The following GALK2 variants were observed in gnomAD, a reference collection of about 807,000 sequenced individuals.
GALK2 encodes galactokinase 2, also known as N-acetylgalactosamine kinase.
Under a neutral mutation model 52.4 loss-of-function variants are expected in GALK2, and 36 were observed. The ratio of observed to expected loss-of-function variants is 0.69; its 90% CI spans 0.53 to 0.91. GALK2 has a LOEUF of 0.91. GALK2 is among the 40% of genes least tolerant of loss of function. The pLI, the probability that GALK2 is intolerant of heterozygous loss-of-function variation, is 0.00. For missense variants in GALK2, 579 were observed against 559.1 expected, an observed-to-expected ratio of 1.04 and a Z score of -0.36; for synonymous variants, 176 against 199.1, an observed-to-expected ratio of 0.88 and a Z score of 0.98.
At chr15:49,302,894 G>GACTGTTGT (rs1472687211) in intron 8 of GALK2, among the ~76,000 whole-genome samples, 20 of 152,196 alleles carry the variant, frequency 1.3e-4, no homozygotes, top group Admixed American at 6.5e-4. Flanking sequence ...GTTTTTATGA[G>GACTGTTGT]AAAAATAATA....
intron 3 of GALK2, chr15:49,343,919 A>G (rs1400196613): frequency 1.3e-5 from 2 of 152,330 alleles, no homozygotes; most frequent in East Asian, 3.9e-4. Context: ...TTAATTCTGC[A>G]TGGTATTATT....
chr15:49,324,466 CTT>C (rs1288798105), intron 9 of GALK2, among the ~76,000 whole-genome samples: 1 of 149,924 alleles, frequency 6.7e-6, no homozygotes, highest in Non-Finnish European at 1.5e-5. Context: ...CTTTGGGCCT[CTT>C]TGACTTATGA....
At chr15:49,228,686 TA>T (rs202094336) in intron 3 of GALK2, among the ~76,000 whole-genome samples, 213 of 18,550 alleles carry the variant, frequency 0.011, 36 homozygotes, top group East Asian at 0.03. Flanking sequence ...TATATATATA[TA>T]TTTTTTTTTT....
intron 2 of GALK2, among the ~76,000 whole-genome samples, chr15:49,204,966 C>T (rs560300784): frequency 6.6e-6 from 1 of 152,300 alleles, no homozygotes; most frequent in Non-Finnish European, 1.5e-5. Context: ...TTTTCCATTT[C>T]TGAGTTATTT....
At chr15:49,351,527 T>G (rs1210762643) in intron 3 of GALK2, among the ~76,000 whole-genome samples, 3 of 152,254 alleles carry the variant, frequency 2.0e-5, no homozygotes, top group Non-Finnish European at 4.4e-5. Context: ...AGAAAAGTAG[T>G]GAGCAATCAA....
intron 5 of GALK2, among the ~76,000 whole-genome samples, chr15:49,272,123 G>C (rs2030754651): frequency 6.6e-6 from 1 of 152,112 alleles, no homozygotes; most frequent in African/African-American, 2.4e-5. Context: ...GTGGACTTTT[G>C]AGCCAGGCCT....
chr15:49,162,345 T>G (rs1431822879), intron 1 of GALK2, among the ~76,000 whole-genome samples: 2 of 152,380 alleles, frequency 1.3e-5, no homozygotes, highest in African/African-American at 4.8e-5. Flanking sequence ...TGCTGAATAT[T>G]CATTACATGG....
chr15:49,212,471 AT>A (rs34385981), intron 2 of GALK2, among the ~76,000 whole-genome samples: 67 of 151,376 alleles, frequency 4.4e-4, no homozygotes, highest in African/African-American at 1.2e-3. Flanking sequence ...AATTTCATTG[AT>A]TTTTTTTTGT....
At chr15:49,243,824 G>A (rs2091214845) in intron 5 of GALK2, among the ~76,000 whole-genome samples, 1 of 151,888 alleles carries the variant, frequency 6.6e-6, no homozygotes, top group East Asian at 2.0e-4. Flanking sequence ...ACAAAATTTA[G>A]CAAAAAGATT....
intron 1 of GALK2, among the ~76,000 whole-genome samples, chr15:49,171,082 C>CTTTTTTTT (rs201895577): frequency 7.7e-5 from 10 of 129,916 alleles, no homozygotes; most frequent in East Asian, 2.1e-4. Flanking sequence ...TTTTCTTTTT[C>CTTTTTTTT]TTTTTTTTTT....
intron 5 of GALK2, among the ~76,000 whole-genome samples, chr15:49,280,166 TAAG>T (rs2032478895): frequency 6.6e-6 from 1 of 152,144 alleles, no homozygotes; most frequent in South Asian, 2.1e-4. Flanking sequence ...AATTAACAAT[TAAG>T]GAGCAATAAT....
intron 2 of GALK2, among the ~76,000 whole-genome samples, chr15:49,210,164 G>A (rs777498736): frequency 6.6e-6 from 1 of 151,256 alleles, no homozygotes; most frequent in Non-Finnish European, 1.5e-5. Context: ...GTATTTTGTG[G>A]TGTCACTTGT....
chr15:49,258,823 T>TGA (rs1401571231), intron 5 of GALK2, among the ~76,000 whole-genome samples: 59 of 140,096 alleles, frequency 4.2e-4, no homozygotes, highest in East Asian at 1.5e-3. Context: ...TGTGTGTGTG[T>TGA]GTGTGTGAGA....
intron 1 of GALK2, among the ~76,000 whole-genome samples, chr15:49,159,287 A>G (rs1208100796): frequency 6.6e-6 from 1 of 152,228 alleles, no homozygotes; most frequent in Non-Finnish European, 1.5e-5. Context: ...TCTTTAAAAA[A>G]TAATTCCGGC....
chr15:49,194,432 T>C (rs1447505379), intron 1 of GALK2, among the ~76,000 whole-genome samples: 1 of 152,198 alleles, frequency 6.6e-6, no homozygotes, highest in African/African-American at 2.4e-5. Flanking sequence ...CACTGAAGTC[T>C]GCTAGTCTAT....
At chr15:49,272,131 C>T (rs1349903146) in intron 5 of GALK2, among the ~76,000 whole-genome samples, 10 of 152,064 alleles carry the variant, frequency 6.6e-5, no homozygotes, top group Non-Finnish European at 1.0e-4. Flanking sequence ...TTGAGCCAGG[C>T]CTTTCTGGCT....
At chr15:49,189,368 A>G (rs893395246) in intron 1 of GALK2, among the ~76,000 whole-genome samples, 1 of 152,208 alleles carries the variant, frequency 6.6e-6, no homozygotes, top group Non-Finnish European at 1.5e-5. Flanking sequence ...GTTACCAGTT[A>G]TCCTACTAAT....
intron 9 of GALK2, 41 bp downstream of exon 9, chr15:49,319,846 A>C (rs777630819): frequency 6.5e-7 from 1 of 1,538,762 alleles, no homozygotes; most frequent in Non-Finnish European, 8.9e-7. Context: ...CCATCAAATA[A>C]TATTGTTTAA....
intron 1 of GALK2, among the ~76,000 whole-genome samples, chr15:49,196,429 T>G (rs567229117): frequency 4.6e-5 from 7 of 152,284 alleles, no homozygotes; most frequent in African/African-American, 1.7e-4. Flanking sequence ...AAGACCTTTT[T>G]GTTATTTTTC....
Sources: gnomAD v4.1 joint callset for allele counts (sites outside exome capture counted in the v4.1 genomes callset) on GRCh38, gnomAD v4.1.1 for gene constraint, MANE v1.5 for transcripts, NCBI Gene and HGNC (gene_info 2026-07-23, HGNC 2026-07-21) for gene names.